The following AAK1 variants were observed in gnomAD, a reference collection of about 807,000 sequenced individuals.
AAK1 encodes AP2 associated kinase 1.
Under a neutral mutation model 116.0 loss-of-function variants are expected in AAK1, and 37 were observed. That is an observed-to-expected ratio of 0.32 (90% CI 0.25 to 0.42). The LOEUF is 0.42. Among genes scored for constraint, AAK1 ranks in the 10% least tolerant of loss-of-function variants. The pLI is 1.00. For missense variants in AAK1, 919 were observed against 1,170.6 expected, an observed-to-expected ratio of 0.79 and a Z score of 3.14; for synonymous variants, 458 against 439.9, an observed-to-expected ratio of 1.04 and a Z score of -0.51.
At chr2:69,623,618 A>G (rs1204381751) in intron 2 of AAK1, among the ~76,000 whole-genome samples, 1 of 152,206 alleles carries the variant, frequency 6.6e-6, no homozygotes, top group Non-Finnish European at 1.5e-5. Context: ...GTTTGAGACC[A>G]GCATGGGCAA....
At chr2:69,574,786 A>G (rs974958841) in intron 2 of AAK1, among the ~76,000 whole-genome samples, 4 of 152,196 alleles carry the variant, frequency 2.6e-5, no homozygotes, top group Non-Finnish European at 5.9e-5. Flanking sequence ...GCTGGGCAAC[A>G]TAGCAAGACC....
intron 2 of AAK1, among the ~76,000 whole-genome samples, chr2:69,624,249 T>C (rs1045474077): frequency 6.6e-6 from 1 of 152,186 alleles, no homozygotes; most frequent in Admixed American, 6.5e-5. Context: ...AAAGAAGTAA[T>C]AGAACAAGTA....
At chr2:69,583,836 T>C (rs1672646961) in intron 2 of AAK1, among the ~76,000 whole-genome samples, 1 of 151,068 alleles carries the variant, frequency 6.6e-6, no homozygotes, top group Admixed American at 6.7e-5. Context: ...AGTTTCTGGA[T>C]ATTTTTTCAA....
intron 9 of AAK1, 55 bp from the exon 10 acceptor site, chr2:69,525,167 G>A: frequency 6.4e-7 from 1 of 1,567,470 alleles, no homozygotes; most frequent in Non-Finnish European, 8.8e-7. Context: ...AGATTTCTTT[G>A]TTAAAGAATA....
At chr2:69,630,637 C>G (rs1170613789) in intron 2 of AAK1, among the ~76,000 whole-genome samples, 1 of 152,164 alleles carries the variant, frequency 6.6e-6, no homozygotes, top group Non-Finnish European at 1.5e-5. Context: ...TTAACTTTTC[C>G]TAACATCACA....
At chr2:69,483,408 T>G (rs2104899949) in intron 17 of AAK1, among the ~76,000 whole-genome samples, 1 of 152,348 alleles carries the variant, frequency 6.6e-6, no homozygotes, top group East Asian at 1.9e-4. Flanking sequence ...TATCAATAGT[T>G]TGCTCTGTTT....
chr2:69,500,698 T>TATATATATATAC lies in AAK1; in HGVS notation c.2270-4619_2270-4618insGTATATATATAT. Among the ~76,000 whole-genome samples the TATATATATATAC allele has an allele frequency of 5.3e-3, 344 of 64,972 alleles. 4 individuals are homozygous for TATATATATATAC. Among genetic ancestry groups the TATATATATATAC allele is most frequent in the Admixed American group, 9.2e-3 (44 of 4,806 alleles). 42.6% of individuals were successfully genotyped at this position (64,972 alleles called of 152,430 possible). A position where few individuals can be genotyped will look rare whatever the true frequency, so the allele number is the denominator to read the frequency against. ...ATATATATATATATATATATATATATACACACACACACACACACACACACA... is the reference window on the plus strand; with the variant it reads ...ATATATATATATATATATATATATATATATATATATACACACACACACACACACACACACACA... On this transcript the variant is annotated intron_variant, in intron 16 of 21. Coordinates refer to ENST00000409085, the MANE Select transcript of AAK1 (RefSeq NM_014911.5).
Position 69,469,631 on chromosome 2 carries a change from C to T in AAK1, c.*6238G>A, listed in dbSNP as rs1173370515. The T allele has an allele frequency of 1.0e-6, 1 of 985,438 alleles. No homozygotes were observed. The highest frequency in any genetic ancestry group is 1.2e-6 in the Non-Finnish European group (1 of 829,944). The allele number at this position is 985,438 out of a possible 1,614,324, so 61.0% of individuals were successfully genotyped here. On this transcript the variant is annotated 3_prime_UTR_variant, in exon 22 of 22. Transcript: ENST00000409085. ...AGCTCAGTAAACACTGCCTGTTGTACCTCAGGGGCTAAAGCCCAGGGCCTG... is the reference window on the plus strand; with the variant it reads ...AGCTCAGTAAACACTGCCTGTTGTATCTCAGGGGCTAAAGCCCAGGGCCTG...
chr2:69,494,986 T>C (rs988733365), intron 17 of AAK1, among the ~76,000 whole-genome samples: 5 of 152,112 alleles, frequency 3.3e-5, no homozygotes, highest in African/African-American at 4.8e-5. Context: ...ACTTCCAGTC[T>C]TGAAGCAAGC....
At position 69,536,206 on chromosome 2, in the gene AAK1, G is replaced by C. The variant is rs2105036289; in HGVS notation, c.535-4044C>G. Among the ~76,000 whole-genome samples, 3 of 152,200 alleles carry C rather than the reference G, an allele frequency of 2.0e-5. No homozygotes were observed. In the East Asian group the frequency reaches 5.8e-4, roughly 29 times the overall value. On this transcript the variant is annotated intron_variant, in intron 5 of 21. Transcript: ENST00000409085. The stretch of plus-strand genomic sequence containing the variant: ...GGGATGGACAGTTGAGATTGGCGAG[G>C]AAGGAGGAAGGAGAAAGGGAGAGGA...
chr2:69,479,101 T>G (rs939598467), intron 19 of AAK1, 40 bp from the exon 20 acceptor site: 3 of 1,329,486 alleles, frequency 2.3e-6, no homozygotes, highest in Non-Finnish European at 3.3e-6. Context: ...AGTGATGGCA[T>G]TAAGTGGCAC....
intron 11 of AAK1, 149 bp downstream of exon 11, chr2:69,520,685 G>T (rs2312211): frequency 1.5e-5 from 14 of 932,002 alleles, no homozygotes; most frequent in African/African-American, 8.6e-5. Flanking sequence ...ACAATTTCAA[G>T]GGCAGCTTCC....
chr2:69,627,058 C>T (rs1429142107), intron 2 of AAK1, among the ~76,000 whole-genome samples: 1 of 151,870 alleles, frequency 6.6e-6, no homozygotes, highest in Admixed American at 6.6e-5. Context: ...GAGGCCGAGG[C>T]GGGTGGATCT....
In AAK1 at chr2:69,466,333, T is replaced by C. The variant is rs1255994783; in HGVS notation, c.*9536A>G. 2.3e-6 allele frequency: 3 copies of C among 1,289,742 alleles called. No individual in the cohort carries two copies. In the African/African-American group the frequency reaches 4.6e-5, roughly 20 times the overall value. 79.9% of individuals were successfully genotyped at this position (1,289,742 alleles called of 1,614,324 possible). On this transcript the variant is annotated 3_prime_UTR_variant, in exon 22 of 22. Coordinates refer to ENST00000409085, the MANE Select transcript of AAK1 (RefSeq NM_014911.5). ...GGCCGAGACCCACTGCAGTCCAGCATGTCTCCTTCAAGGTCAGTCCCTTCC... is the reference window on the plus strand; with the variant it reads ...GGCCGAGACCCACTGCAGTCCAGCACGTCTCCTTCAAGGTCAGTCCCTTCC...
rs186590983 is a variant in AAK1 at position 69,473,552 on chromosome 2, A to G, written c.*2317T>C. On this transcript the variant is annotated 3_prime_UTR_variant, in exon 22 of 22. Coordinates refer to ENST00000409085, the MANE Select transcript of AAK1 (RefSeq NM_014911.5). ...GCCGTCTCTGGCTTCTAGTCTGCTCATTTTCATTAACTGCCTCCATTAAGC... is the reference window on the plus strand; with the variant it reads ...GCCGTCTCTGGCTTCTAGTCTGCTCGTTTTCATTAACTGCCTCCATTAAGC... The G allele has an allele frequency of 1.7e-4, 172 of 985,392 alleles. 2 individuals are homozygous for G. The East Asian group carries it at 0.015, about 88-fold the overall frequency. The allele number at this position is 985,392 out of a possible 1,614,324, so 61.0% of individuals were successfully genotyped here. A position where few individuals can be genotyped will look rare whatever the true frequency, so the allele number is the denominator to read the frequency against.
chr2:69,496,307 G>A (rs116817440), intron 16 of AAK1, among the ~76,000 whole-genome samples: 1,799 of 142,260 alleles, frequency 0.013, 24 homozygotes, highest in African/African-American at 0.029. Context: ...AGTCTCACTC[G>A]TGTCCACCAG....
At chr2:69,483,444 TG>T (rs1212244044) in intron 17 of AAK1, among the ~76,000 whole-genome samples, 3 of 152,252 alleles carry the variant, frequency 2.0e-5, no homozygotes, top group Admixed American at 6.5e-5. Context: ...TTCCATTGTA[TG>T]GCTGTACCAC....
chr2:69,573,372 G>T (rs759174791), intron 2 of AAK1, among the ~76,000 whole-genome samples: 1 of 152,208 alleles, frequency 6.6e-6, no homozygotes, highest in South Asian at 2.1e-4. Flanking sequence ...AAAACAAGGA[G>T]GAAAAGTAGC....
chr2:69,534,383 C>G (rs1256472143), intron 5 of AAK1, among the ~76,000 whole-genome samples: 3 of 152,164 alleles, frequency 2.0e-5, no homozygotes, highest in African/African-American at 4.8e-5. Context: ...GTAGGGGAGA[C>G]AATACTTGTC....
Sources: gnomAD v4.1 joint callset for allele counts (sites outside exome capture counted in the v4.1 genomes callset) on GRCh38, gnomAD v4.1.1 for gene constraint, MANE v1.5 for transcripts, NCBI Gene and HGNC (gene_info 2026-07-23, HGNC 2026-07-21) for gene names.